PLK4: variants seen among roughly 807,000 people sequenced by gnomAD.
PLK4 encodes the protein serine/threonine-protein kinase PLK4.
Under a neutral mutation model 103.0 loss-of-function variants are expected in PLK4, and 51 were observed. The observed-to-expected ratio is 0.50, with a 90% CI of 0.40 to 0.63. The LOEUF (loss-of-function observed/expected upper bound fraction) is 0.63, where lower values mean the gene tolerates loss of function less well. PLK4 is among the 20% of genes least tolerant of loss of function. The pLI, the probability that PLK4 is intolerant of heterozygous loss-of-function variation, is 0.00. For missense variants in PLK4, 1,054 were observed against 1,151.0 expected (o/e 0.92, Z 1.22); for synonymous variants, 389 against 376.8 (o/e 1.03, Z -0.38).
chr4:127,881,281 C>CT (rs1734908090), intron 1 of PLK4, 117 bp downstream of exon 1: 1 of 1,566,746 alleles, frequency 6.4e-7, no homozygotes, highest in South Asian at 1.2e-5. Context: ...CACCGAGGTG[C>CT]TTAGGGAGGG....
At position 127,886,629 on chromosome 4, in the gene PLK4, A is replaced by C. The variant is rs775972407; in HGVS notation, c.1259A>C (p.Tyr420Ser). The C allele has an allele frequency of 1.2e-6, 2 of 1,613,002 alleles. No homozygotes were observed. The highest frequency in any genetic ancestry group is 2.2e-5 in the South Asian group (2 of 91,052). ...RSGGGENEER[Y>S]SPTDNNANIF... is the part of the protein sequence containing the mutation. ...GGAGGAGGTGAAAATGAAGAGAGGT[A>C]CTCACCCACAGACAACAATGCCAAC... The change falls in exon 5 of 16, where the codon TAC becomes TCC. Residue 420 changes from tyrosine (Y) to serine (S), a missense_variant. Physicochemically the swap from Tyr to Ser is moderately radical, Grantham distance 144 (BLOSUM62 -2). Around this residue, in one of 4 missense-constraint regions of PLK4, gnomAD observed 680 missense variants for 660.3 expected, o/e 1.03. Transcript: ENST00000270861.
intron 2 of PLK4, 114 bp downstream of exon 2, chr4:127,882,040 C>T (rs1177622963): frequency 6.3e-6 from 4 of 639,416 alleles, no homozygotes; most frequent in South Asian, 1.8e-5. Context: ...GTGTAAGGAA[C>T]ACTTTACATA....
chr4:127,887,013 CT>C (rs1390218761), intron 5 of PLK4, among the ~76,000 whole-genome samples: 1 of 152,096 alleles, frequency 6.6e-6, no homozygotes, highest in Non-Finnish European at 1.5e-5. Flanking sequence ...GCCTTACCCC[CT>C]AAAGTACTTA....
chr4:127,891,634 C>A lies in PLK4; in HGVS notation c.1991C>A (p.Pro664His). ...GRGFPLADRPPSPTDNISRYS... is the reference protein window; with the variant it reads ...GRGFPLADRPHSPTDNISRYS... ...GGTTTTCCTCTTGCTGATAGACCAC[C>A]CTCACCTACTGACAACATCAGTAGG... The change falls in exon 9 of 16, where the codon CCC (proline) becomes CAC (histidine). Residue 664 changes from proline to histidine, a missense_variant. Pro to His is a moderately conservative substitution (Grantham distance 77). Around this residue, in one of 4 missense-constraint regions of PLK4, gnomAD observed 680 missense variants for 660.3 expected, o/e 1.03. Transcript: ENST00000270861. 6.4e-7 allele frequency: 1 copy of A among 1,552,616 alleles called. No homozygotes were observed. The highest frequency in any genetic ancestry group is 1.2e-5 in the South Asian group (1 of 81,222).
chr4:127,892,530 A>G lies in PLK4; in HGVS notation c.2188+16A>G, dbSNP rs142628767. ...TTTTATGATGGTAAGTACCATTTGG[A>G]AATGGTAATTTGTTCCTTTAGTTTG... is the stretch of plus-strand genomic sequence containing the variant. On this transcript the variant is annotated intron_variant, in intron 10 of 15. Transcript: ENST00000270861. 1,564 of 1,594,680 alleles carry G rather than the reference A, an allele frequency of 9.8e-4. 18 individuals carry two copies. In the African/African-American group the frequency reaches 0.019, roughly 19 times the overall value.
intron 6 of PLK4, among the ~76,000 whole-genome samples, chr4:127,889,594 C>G (rs762501728): frequency 6.6e-6 from 1 of 152,070 alleles, no homozygotes; most frequent in Non-Finnish European, 1.5e-5. Flanking sequence ...TAGTTTTTGC[C>G]TTAATTGAAA....
chr4:127,885,579 G>C, intron 4 of PLK4, 129 bp from the exon 5 acceptor site: 1 of 683,248 alleles, frequency 1.5e-6, no homozygotes, highest in East Asian at 2.7e-5. Flanking sequence ...GTAAATCTAA[G>C]CTCCAAGCCA....
chr4:127,889,760 G>A (rs2148820391), intron 6 of PLK4, 106 bp from the exon 7 acceptor site: 1 of 796,650 alleles, frequency 1.3e-6, no homozygotes, highest in East Asian at 2.6e-5. Context: ...TTTGTAACTA[G>A]AATTCTTTTG....
Position 127,881,109 on chromosome 4 carries a change from G to C in PLK4, c.-26G>C. On this transcript the variant is annotated 5_prime_UTR_variant, in exon 1 of 16. Transcript: ENST00000270861. ...GGACTGCGTGAAGGAAGCTAATCCG[G>C]AGAACCCAGGCCAGAGCCTGGAAAT... is the stretch of plus-strand genomic sequence containing the variant. 1 of 1,613,814 alleles carries C rather than the reference G, an allele frequency of 6.2e-7. No individual in the cohort carries two copies. Among genetic ancestry groups the C allele is most frequent in the East Asian group, 2.2e-5 (1 of 44,878 alleles).
intron 8 of PLK4, 118 bp downstream of exon 8, chr4:127,891,314 G>C: frequency 1.9e-6 from 1 of 512,952 alleles, no homozygotes; most frequent in Non-Finnish European, 3.4e-6. Context: ...CAGTATGATA[G>C]TGTCTCTGGA....
intron 6 of PLK4, 60 bp from the exon 7 acceptor site, chr4:127,889,806 T>A: frequency 8.0e-7 from 1 of 1,249,124 alleles, no homozygotes; most frequent in East Asian, 2.4e-5. Flanking sequence ...GTGACGTTAT[T>A]TTGTGTCGAC....
intron 13 of PLK4, among the ~76,000 whole-genome samples, chr4:127,894,260 G>A (rs937095937): frequency 1.3e-5 from 2 of 151,442 alleles, no homozygotes; most frequent in African/African-American, 2.4e-5. Flanking sequence ...TTTTTGAGAC[G>A]GAGTCACCCA....
chr4:127,890,956 T>C (rs1735332540), intron 7 of PLK4, 136 bp from the exon 8 acceptor site: 3 of 532,038 alleles, frequency 5.6e-6, no homozygotes, highest in Admixed American at 3.3e-5. Context: ...ATCTGGACTG[T>C]TGTAGTGAAG....
chr4:127,885,688 C>G lies in PLK4; in HGVS notation c.338-20C>G. The G allele has an allele frequency of 6.4e-7, 1 of 1,565,920 alleles. No homozygotes were observed. Among genetic ancestry groups the G allele is most frequent in the East Asian group, 2.2e-5 (1 of 44,590 alleles). On this transcript the variant is annotated intron_variant, in intron 4 of 15. Transcript: ENST00000270861. ...CCAGAGTTTCTAAATTGTAAATTCT[C>G]TTTTTTAAAATCCTAACAGCTCGAC...
chr4:127,889,482 A>G (rs975852481), intron 6 of PLK4, among the ~76,000 whole-genome samples: 6 of 152,172 alleles, frequency 3.9e-5, no homozygotes, highest in Non-Finnish European at 8.8e-5. Flanking sequence ...GTAAGTTTAT[A>G]TATTTTTCTC....
intron 7 of PLK4, 61 bp from the exon 8 acceptor site, chr4:127,891,031 G>A: frequency 1.2e-5 from 11 of 897,720 alleles, no homozygotes; most frequent in Non-Finnish European, 1.9e-5. Flanking sequence ...TATTATGTAT[G>A]TCAGAGCTGT....
At position 127,881,004 on chromosome 4, in the gene PLK4, C is replaced by G; in HGVS notation, c.-131C>G. ...GGAGAACTTTCCGTGGTTTCAGCGTCGTCGCCTGGAGCGGCGGTTTAGAGA... is the reference window on the plus strand; with the variant it reads ...GGAGAACTTTCCGTGGTTTCAGCGTGGTCGCCTGGAGCGGCGGTTTAGAGA... On this transcript the variant is annotated 5_prime_UTR_variant, in exon 1 of 16. Coordinates refer to ENST00000270861, the MANE Select transcript of PLK4 (RefSeq NM_014264.5). 2 of 1,008,606 alleles carry G rather than the reference C, an allele frequency of 2.0e-6. No homozygotes were observed. The highest frequency in any genetic ancestry group is 1.5e-6 in the Non-Finnish European group (1 of 660,718). 62.5% of individuals were successfully genotyped at this position (1,008,606 alleles called of 1,614,324 possible).
intron 13 of PLK4, 39 bp from the exon 14 acceptor site, chr4:127,894,914 G>A (rs1185347724): frequency 7.4e-7 from 1 of 1,353,226 alleles, no homozygotes; most frequent in Non-Finnish European, 9.8e-7. Flanking sequence ...TTATAAAAAT[G>A]CTGAGGAATA....
At chr4:127,896,966 TATG>T in intron 15 of PLK4, 59 bp downstream of exon 15, 1 of 827,864 alleles carries the variant, frequency 1.2e-6, no homozygotes, top group South Asian at 1.5e-5. Flanking sequence ...TCTTTCTCTA[TATG>T]TTGAAATGGA....
Sources: allele counts gnomAD v4.1 joint callset (sites outside exome capture counted in the v4.1 genomes callset), GRCh38; gene constraint gnomAD v4.1.1; regional missense constraint gnomAD v4.1.1; transcripts MANE v1.5; gene names NCBI Gene and HGNC (gene_info 2026-07-23, HGNC 2026-07-21).